SLC25A3: variants seen among roughly 807,000 people sequenced by gnomAD.
SLC25A3 encodes the protein solute carrier family 25 member 3.
SLC25A3 carries 14 observed loss-of-function variants against 37.1 expected under a neutral mutation model. The ratio of observed to expected loss-of-function variants is 0.38; its 90% CI spans 0.25 to 0.59. SLC25A3 has a LOEUF of 0.59. Among genes scored for constraint, SLC25A3 ranks in the 20% least tolerant of loss-of-function variants. The pLI, the probability that SLC25A3 is intolerant of heterozygous loss-of-function variation, is 0.67. For synonymous variants in SLC25A3, 161 were observed against 168.7 expected (o/e 0.95, Z 0.36); for missense variants, 385 against 458.1 (o/e 0.84, Z 1.46).
chr12:98,601,050 C>A, intron 6 of SLC25A3, 121 bp from the exon 7 acceptor site: 1 of 1,142,672 alleles, frequency 8.8e-7, no homozygotes, highest in Non-Finnish European at 1.3e-6. Context: ...CCGTGTCACC[C>A]TGAGTCTGAT....
rs372985455 is a variant in SLC25A3 at position 98,598,682 on chromosome 12, A to G, written c.620A>G (p.Tyr207Cys). 7.4e-6 allele frequency: 12 copies of G among 1,613,894 alleles called. No homozygotes were observed. The highest frequency in any genetic ancestry group is 1.0e-5 in the Non-Finnish European group (12 of 1,179,872). Residue 207 changes from tyrosine to cysteine, a missense_variant, in exon 5 of 8, where the codon TAT (tyrosine) becomes TGT (cysteine). This residue lies in a region of SLC25A3 where 276 missense variants were observed against 367.6 expected (regional missense o/e 0.75). Transcript: ENST00000552981. ...TTGAGGGATGCAGCTCCCAAAATGTATAAGGAAGAAGGCCTAAAAGCGTAA... is the reference window on the plus strand; with the variant it reads ...TTGAGGGATGCAGCTCCCAAAATGTGTAAGGAAGAAGGCCTAAAAGCGTAA... ...NTLRDAAPKM[Y>C]KEEGLKAFYK... is the part of the protein sequence containing the mutation.
At chr12:98,596,409 T>C (rs1042152326) in intron 3 of SLC25A3, among the ~76,000 whole-genome samples, 34 of 152,328 alleles carry the variant, frequency 2.2e-4, no homozygotes, top group Admixed American at 2.2e-3. Context: ...AGAAGTCTAC[T>C]TACCTAAAAG....
At chr12:98,594,770 G>GTGAA in intron 2 of SLC25A3, 1 of 242,458 alleles carries the variant, frequency 4.1e-6, no homozygotes, top group Non-Finnish European at 8.3e-6. Context: ...TTAAATCCTA[G>GTGAA]TGAAGTATGT....
In SLC25A3 at chr12:98,601,792, G is replaced by GA; in HGVS notation, c.*270dup. The GA allele has an allele frequency of 7.2e-6, 3 of 413,886 alleles. No homozygotes were observed. The East Asian group carries it at 1.4e-4, about 20-fold the overall frequency. The allele number at this position is 413,886 out of a possible 1,614,324, so 25.6% of individuals were successfully genotyped here. A position where few individuals can be genotyped will look rare whatever the true frequency, so the allele number is the denominator to read the frequency against. ...GAAAGAATGAAGTATATAAGTTAAG[G>GA]AAAAAATACAAAACTGACCATGACC... On this transcript the variant is annotated 3_prime_UTR_variant, in exon 8 of 8. Transcript: ENST00000552981.
rs2097600505 is a variant in SLC25A3 at position 98,605,096 on chromosome 12, T to C, written c.*3568T>C. ...TTTATTTTTTATATTTTTATTTTATTTGATCCTTGTTCTGAAACCATAAAG... is the reference window on the plus strand; with the variant it reads ...TTTATTTTTTATATTTTTATTTTATCTGATCCTTGTTCTGAAACCATAAAG... On this transcript the variant is annotated 3_prime_UTR_variant, in exon 8 of 8. Coordinates refer to ENST00000552981, the MANE Select transcript of SLC25A3 (RefSeq NM_002635.4). 6.6e-6 allele frequency: 1 copy of C among 152,240 alleles called. No individual in the cohort carries two copies. The highest frequency in any genetic ancestry group is 2.4e-5 in the African/African-American group (1 of 41,466). 9.4% of individuals were successfully genotyped at this position (152,240 alleles called of 1,614,324 possible).
chr12:98,594,226 G>A lies in SLC25A3; in HGVS notation c.157+91G>A, dbSNP rs574158895. The A allele has an allele frequency of 6.4e-6, 7 of 1,100,698 alleles. No homozygotes were observed. The South Asian group carries it at 7.9e-5, about 12-fold the overall frequency. The allele number at this position is 1,100,698 out of a possible 1,614,324, so 68.2% of individuals were successfully genotyped here. On this transcript the variant is annotated intron_variant, in intron 2 of 7. Transcript: ENST00000552981. ...TGGACCCGGCTTGGAGGACAGGGAA[G>A]GACGAGTCCAGCCCGCTGCACCGTA...
chr12:98,601,656 G>C lies in SLC25A3; in HGVS notation c.*128G>C. On this transcript the variant is annotated 3_prime_UTR_variant, in exon 8 of 8. Coordinates refer to ENST00000552981, the MANE Select transcript of SLC25A3 (RefSeq NM_002635.4). ...CTGATATAATTACTGTAGTACTCTT[G>C]CTTAAGGCAAGAGTTTCAGATTTAC... The C allele has an allele frequency of 1.4e-6, 1 of 701,680 alleles. No individual in the cohort carries two copies. Among genetic ancestry groups the C allele is most frequent in the South Asian group, 1.5e-5 (1 of 64,634 alleles). 43.5% of individuals were successfully genotyped at this position (701,680 alleles called of 1,614,324 possible). A position where few individuals can be genotyped will look rare whatever the true frequency, so the allele number is the denominator to read the frequency against.
At position 98,604,263 on chromosome 12, in the gene SLC25A3, A is replaced by AAAAAAAAAAATATATATATATAT. The variant is rs1302964992; in HGVS notation, c.*2736_*2737insAAAAAAAAATATATATATATATA. On this transcript the variant is annotated 3_prime_UTR_variant, in exon 8 of 8. Transcript: ENST00000552981. Reference sequence around the variant, plus strand: ...GCGAAACTCTGTCTCAAAAAAAAAAAATATATATATATATATATATATATG... The same window carrying AAAAAAAAAAATATATATATATAT: ...GCGAAACTCTGTCTCAAAAAAAAAAAAAAAAAAAAATATATATATATATATATATATATATATATATATATATG... 7.4e-6 allele frequency: 1 copy of AAAAAAAAAAATATATATATATAT among 134,592 alleles called. No homozygotes were observed. The highest frequency in any genetic ancestry group is 2.9e-5 in the African/African-American group (1 of 34,844). The allele number at this position is 134,592 out of a possible 1,614,324, so 8.3% of individuals were successfully genotyped here.
rs562697814 is a variant in SLC25A3, at chr12:98,594,529, T to C, written c.157+394T>C. On this transcript the variant is annotated intron_variant, in intron 2 of 7. Transcript: ENST00000552981. ...CTGTCCTTTGATTTGCCCTTAGTTT[T>C]CTTAAAAATAGTCCTTTCCTAAGTT... 24 of 597,738 alleles carry C rather than the reference T, an allele frequency of 4.0e-5. 1 individual carries two copies. Among genetic ancestry groups the C allele is most frequent in the African/African-American group, 1.9e-4 (10 of 53,944 alleles). The allele number at this position is 597,738 out of a possible 1,614,324, so 37.0% of individuals were successfully genotyped here.
chr12:98,600,021 C>T lies in SLC25A3; in HGVS notation c.708C>T (p.Cys236=), dbSNP rs1232314485. Residue 236 remains cysteine, a synonymous_variant, in exon 6 of 8, where the codon TGC becomes TGT. Transcript: ENST00000552981. ...CATACACCATGATGAAGTTCGCCTGCTTTGAACGTACTGTTGAAGCACTGT... is the reference window on the plus strand; with the variant it reads ...CATACACCATGATGAAGTTCGCCTGTTTTGAACGTACTGTTGAAGCACTGT... ...QIPYTMMKFA[C]FERTVEALYK... 6 of 1,613,988 alleles carry T rather than the reference C, an allele frequency of 3.7e-6. No individual in the cohort carries two copies. The highest frequency in any genetic ancestry group is 1.3e-5 in the African/African-American group (1 of 74,938).
At position 98,604,267 on chromosome 12, in the gene SLC25A3, TA is replaced by T. The variant is rs1565833453; in HGVS notation, c.*2740del. 2.5e-5 allele frequency: 3 copies of T among 121,106 alleles called. No homozygotes were observed. Among genetic ancestry groups the T allele is most frequent in the South Asian group, 2.5e-4 (1 of 3,992 alleles). The allele number at this position is 121,106 out of a possible 1,614,324, so 7.5% of individuals were successfully genotyped here. A position where few individuals can be genotyped will look rare whatever the true frequency, so the allele number is the denominator to read the frequency against. On this transcript the variant is annotated 3_prime_UTR_variant, in exon 8 of 8. Coordinates refer to ENST00000552981, the MANE Select transcript of SLC25A3 (RefSeq NM_002635.4). ...AACTCTGTCTCAAAAAAAAAAAATA[TA>T]TATATATATATATATATATGAAGCT...
Position 98,605,773 on chromosome 12 carries a change from T to C in SLC25A3, c.*4245T>C, listed in dbSNP as rs2097600877. The stretch of plus-strand genomic sequence containing the variant: ...AGGCAGAGGTTGCAGTGAGCCAAGA[T>C]TGTGCCACTGCACTCCAGCCTGGGC... On this transcript the variant is annotated 3_prime_UTR_variant, in exon 8 of 8. Coordinates refer to ENST00000552981, the MANE Select transcript of SLC25A3 (RefSeq NM_002635.4). 1 of 152,338 alleles carries C rather than the reference T, an allele frequency of 6.6e-6. No individual in the cohort carries two copies. The highest frequency in any genetic ancestry group is 2.4e-5 in the African/African-American group (1 of 41,336). The allele number at this position is 152,338 out of a possible 1,614,324, so 9.4% of individuals were successfully genotyped here. A position where few individuals can be genotyped will look rare whatever the true frequency, so the allele number is the denominator to read the frequency against.
At position 98,601,370 on chromosome 12, in the gene SLC25A3, G is replaced by T; in HGVS notation, c.928G>T (p.Val310Leu). The change falls in exon 8 of 8, where the codon GTA becomes TTA. Residue 310 changes from valine (V) to leucine (L), a missense_variant and splice_region_variant. Around this residue, in one of 2 missense-constraint regions of SLC25A3, gnomAD observed 276 missense variants for 367.6 expected, o/e 0.75. Coordinates refer to ENST00000552981, the MANE Select transcript of SLC25A3 (RefSeq NM_002635.4). ...TTTGCTTTTCCTGTTTGAACCAGGT[G>T]TATGGAAGGGACTGTTTGCCCGTAT... ...LVLKRLGFKG[V>L]WKGLFARIIM... 1 of 1,614,080 alleles carries T rather than the reference G, an allele frequency of 6.2e-7. No homozygotes were observed. Among genetic ancestry groups the T allele is most frequent in the Non-Finnish European group, 8.5e-7 (1 of 1,180,004 alleles).
rs1407735244 is a variant in SLC25A3, at chr12:98,604,444, G to A, written c.*2916G>A. On this transcript the variant is annotated 3_prime_UTR_variant, in exon 8 of 8. Coordinates refer to ENST00000552981, the MANE Select transcript of SLC25A3 (RefSeq NM_002635.4). ...AGGTGCAACAAAATTGAACAGAAGA[G>A]TAACAGCTTAACTAAACCTCCATTG... is the stretch of plus-strand genomic sequence containing the variant. The A allele has an allele frequency of 2.6e-5, 4 of 151,418 alleles. No individual in the cohort carries two copies. Among genetic ancestry groups the A allele is most frequent in the Admixed American group, 2.0e-4 (3 of 15,180 alleles). The allele number at this position is 151,418 out of a possible 1,614,324, so 9.4% of individuals were successfully genotyped here. A position where few individuals can be genotyped will look rare whatever the true frequency, so the allele number is the denominator to read the frequency against.
intron 6 of SLC25A3, 113 bp downstream of exon 6, chr12:98,600,240 T>C: frequency 1.2e-6 from 1 of 805,782 alleles, no homozygotes; most frequent in Non-Finnish European, 2.1e-6. Context: ...AGTGTTTTTG[T>C]TTTTTTGGTT....
chr12:98,598,384 G>A, intron 4 of SLC25A3, 138 bp from the exon 5 acceptor site: 1 of 1,323,906 alleles, frequency 7.6e-7, no homozygotes, highest in Non-Finnish European at 1.1e-6. Context: ...ATGAGGTTAT[G>A]AGACCACATA....
intron 3 of SLC25A3, among the ~76,000 whole-genome samples, chr12:98,597,007 A>T (rs1395136045): frequency 6.6e-6 from 1 of 152,218 alleles, no homozygotes; most frequent in Non-Finnish European, 1.5e-5. Flanking sequence ...CTACAGAGCA[A>T]GACTCAAAAA....
rs919805685 is a variant in SLC25A3 at position 98,604,716 on chromosome 12, G to C, written c.*3188G>C. On this transcript the variant is annotated 3_prime_UTR_variant, in exon 8 of 8. Coordinates refer to ENST00000552981, the MANE Select transcript of SLC25A3 (RefSeq NM_002635.4). ...GGCCTCAAGCAACTTTCCTGCCCCAGCTCCTAAAGCGGCCAGGGTTACAGG... is the reference window on the plus strand; with the variant it reads ...GGCCTCAAGCAACTTTCCTGCCCCACCTCCTAAAGCGGCCAGGGTTACAGG... 59 of 148,510 alleles carry C rather than the reference G, an allele frequency of 4.0e-4. 1 individual carries two copies. Among genetic ancestry groups the C allele is most frequent in the Non-Finnish European group, 6.8e-4 (46 of 67,830 alleles). The allele number at this position is 148,510 out of a possible 1,614,324, so 9.2% of individuals were successfully genotyped here.
At chr12:98,598,436 A>T in intron 4 of SLC25A3, 86 bp from the exon 5 acceptor site, 1 of 1,603,284 alleles carries the variant, frequency 6.2e-7, no homozygotes, top group East Asian at 2.2e-5. Context: ...AAATGTCTGA[A>T]GCTTAGTTGT....
Sources: gnomAD v4.1 joint callset for allele counts (sites outside exome capture counted in the v4.1 genomes callset) on GRCh38, gnomAD v4.1.1 for gene constraint, gnomAD v4.1.1 regional missense constraint, MANE v1.5 for transcripts, NCBI Gene and HGNC (gene_info 2026-07-23, HGNC 2026-07-21) for gene names.